Variants in ADCY5 observed in about 807,000 individuals in gnomAD.
ADCY5 encodes adenylate cyclase type 5.
A neutral mutation model predicts 119.7 loss-of-function variants in ADCY5; 30 were observed. The ratio of observed to expected loss-of-function variants is 0.25; its 90% CI spans 0.19 to 0.34. ADCY5 has a LOEUF of 0.34. ADCY5 is among the 10% of genes least tolerant of loss of function. ADCY5 has a pLI of 1.00. For missense variants in ADCY5, 1,324 were observed against 1,775.2 expected, an observed-to-expected ratio of 0.75 and a Z score of 4.57; for synonymous variants, 753 against 762.2, an observed-to-expected ratio of 0.99 and a Z score of 0.20.
chr3:123,376,802 G>A (rs1338510298), intron 1 of ADCY5, among the ~76,000 whole-genome samples: 1 of 152,202 alleles, frequency 6.6e-6, no homozygotes, highest in Non-Finnish European at 1.5e-5. Context: ...GCAAGACCAG[G>A]CAGGAAGATT....
intron 1 of ADCY5, among the ~76,000 whole-genome samples, chr3:123,364,293 CTGACAGAAGAGA>C (rs951491802): frequency 6.6e-6 from 1 of 152,104 alleles, no homozygotes. Context: ...ATCTTCTCTT[CTGACAGAAGAGA>C]TAAAATGAGA....
intron 1 of ADCY5, among the ~76,000 whole-genome samples, chr3:123,404,753 C>G (rs1010538681): frequency 6.6e-6 from 1 of 152,152 alleles, no homozygotes; most frequent in Non-Finnish European, 1.5e-5. Flanking sequence ...TTAGGTGGAG[C>G]CTGATGGGAA....
At chr3:123,287,107 T>C (rs997361674) in intron 19 of ADCY5, 1 of 281,730 alleles carries the variant, frequency 3.5e-6, no homozygotes, top group African/African-American at 2.2e-5. Flanking sequence ...ATCCTCCTCC[T>C]CTTGGAGCCA....
chr3:123,314,903 CACA>C (rs1010708168), intron 11 of ADCY5, among the ~76,000 whole-genome samples: 13 of 150,522 alleles, frequency 8.6e-5, no homozygotes, highest in African/African-American at 2.3e-4. Flanking sequence ...CGCCAGGTCC[CACA>C]ACAAGTCCCG....
At chr3:123,293,546 C>A (rs1051766560) in intron 17 of ADCY5, among the ~76,000 whole-genome samples, 1 of 151,830 alleles carries the variant, frequency 6.6e-6, no homozygotes, top group Non-Finnish European at 1.5e-5. Context: ...CATGCACACA[C>A]ACACTCTTGT....
At chr3:123,365,249 G>A (rs978196009) in intron 1 of ADCY5, among the ~76,000 whole-genome samples, 1 of 152,180 alleles carries the variant, frequency 6.6e-6, no homozygotes, top group African/African-American at 2.4e-5. Context: ...AAGCCACCGC[G>A]CCCAGCCTTC....
chr3:123,294,523 C>T (rs1436864959), intron 17 of ADCY5, among the ~76,000 whole-genome samples: 5 of 152,194 alleles, frequency 3.3e-5, no homozygotes, highest in Non-Finnish European at 7.3e-5. Context: ...CCAAGGGGTG[C>T]CCGGCTCCAT....
At chr3:123,416,630 C>T (rs547074393) in intron 1 of ADCY5, among the ~76,000 whole-genome samples, 5 of 152,110 alleles carry the variant, frequency 3.3e-5, no homozygotes, top group Non-Finnish European at 5.9e-5. Context: ...CGCTCTGCCA[C>T]GAACTGAATT....
At chr3:123,397,116 C>T (rs749112004) in intron 1 of ADCY5, among the ~76,000 whole-genome samples, 3 of 152,190 alleles carry the variant, frequency 2.0e-5, no homozygotes, top group South Asian at 2.1e-4. Context: ...TCCTGACATT[C>T]CTAAGAATGG....
At chr3:123,430,539 G>A (rs1391208329) in intron 1 of ADCY5, among the ~76,000 whole-genome samples, 1 of 152,214 alleles carries the variant, frequency 6.6e-6, no homozygotes, top group Admixed American at 6.5e-5. Flanking sequence ...GCAACACCCC[G>A]CACGGGGAAG....
At chr3:123,325,707 T>C (rs558121647) in intron 7 of ADCY5, among the ~76,000 whole-genome samples, 78 of 152,124 alleles carry the variant, frequency 5.1e-4, no homozygotes, top group Admixed American at 1.2e-3. Context: ...ATGATGAGAG[T>C]TGGTCTTGTG....
intron 1 of ADCY5, chr3:123,367,981 G>C: frequency 6.6e-7 from 1 of 1,522,406 alleles, no homozygotes; most frequent in African/African-American, 1.4e-5. Context: ...CACTACACAG[G>C]CTGCCCTGTG....
At chr3:123,353,028 A>G (rs1942895906) in intron 1 of ADCY5, among the ~76,000 whole-genome samples, 1 of 152,200 alleles carries the variant, frequency 6.6e-6, no homozygotes, top group Non-Finnish European at 1.5e-5. Context: ...CCGATGAATC[A>G]AGGATTCTCG....
At chr3:123,400,071 T>C (rs147476674) in intron 1 of ADCY5, among the ~76,000 whole-genome samples, 50 of 152,304 alleles carry the variant, frequency 3.3e-4, no homozygotes, top group African/African-American at 1.1e-3. Flanking sequence ...CCATCAAGAA[T>C]TGTCTCTGCA....
chr3:123,436,568 T>C (rs1409946144), intron 1 of ADCY5, among the ~76,000 whole-genome samples: 1 of 151,836 alleles, frequency 6.6e-6, no homozygotes, highest in African/African-American at 2.4e-5. Context: ...TAGCCAGCCA[T>C]GGTGGGGCAT....
chr3:123,415,366 A>T (rs1342343225), intron 1 of ADCY5, among the ~76,000 whole-genome samples: 1 of 152,140 alleles, frequency 6.6e-6, no homozygotes. Context: ...CCAGAGCCAG[A>T]GTGGGCCCGC....
chr3:123,377,528 G>A (rs1943878299), intron 1 of ADCY5, among the ~76,000 whole-genome samples: 3 of 152,132 alleles, frequency 2.0e-5, no homozygotes, highest in Admixed American at 2.0e-4. Flanking sequence ...TGAGTGCTGT[G>A]GTCAGCCACC....
In ADCY5 at chr3:123,303,202, C is replaced by T. The variant is rs1939954386; in HGVS notation, c.2577G>A (p.Arg859=). 6.2e-7 allele frequency: 1 copy of T among 1,613,198 alleles called. No individual in the cohort carries two copies. Among genetic ancestry groups the T allele is most frequent in the South Asian group, 1.1e-5 (1 of 91,050 alleles). ...AFVNMFTCNS[R]DLLGCLAQEH... ...CCTGTGCCAAGCAGCCCAGCAGGTC[C>T]CTGGAGTTGCACGTGAACTGGGGGG... Residue 859 remains arginine (R), a synonymous_variant, in exon 14 of 21, where the codon AGG becomes AGA. Coordinates refer to ENST00000462833, the MANE Select transcript of ADCY5 (RefSeq NM_183357.3).
intron 15 of ADCY5, 85 bp downstream of exon 15, chr3:123,300,035 G>A (rs1939749932): frequency 6.9e-7 from 1 of 1,440,508 alleles, no homozygotes; most frequent in Non-Finnish European, 9.6e-7. Flanking sequence ...GTTCCCTGTG[G>A]TGCCAGAACC....
Sources: gnomAD v4.1 joint callset for allele counts (sites outside exome capture counted in the v4.1 genomes callset) on GRCh38, gnomAD v4.1.1 for gene constraint, MANE v1.5 for transcripts, NCBI Gene and HGNC (gene_info 2026-07-23, HGNC 2026-07-21) for gene names.